The following CLEC18A variants were observed in gnomAD, a reference collection of about 807,000 sequenced individuals.
CLEC18A encodes C-type lectin domain family 18 member A.
CLEC18A carries 5 observed loss-of-function variants against 24.0 expected under a neutral mutation model. The observed-to-expected ratio is 0.21, with a 90% CI of 0.11 to 0.44. The LOEUF (loss-of-function observed/expected upper bound fraction) is 0.44. CLEC18A is among the 20% of genes least tolerant of loss of function. The pLI, the probability that CLEC18A is intolerant of heterozygous loss-of-function variation, is 0.99. For synonymous variants in CLEC18A, 29 were observed against 100.1 expected (o/e 0.29, Z 4.24); for missense variants, 83 against 233.4 (o/e 0.36, Z 4.20).
downstream of CLEC18A, among the ~76,000 whole-genome samples, chr16:69,965,359 A>G (rs1185429714): frequency 1.3e-5 from 2 of 152,042 alleles, no homozygotes; most frequent in Non-Finnish European, 2.9e-5. Context: ...TTCCCGGGTC[A>G]GCCAGCAGCC....
At chr16:69,946,864 A>G (rs1470904551), upstream of CLEC18A, among the ~76,000 whole-genome samples, 1 of 93,150 alleles carries the variant, frequency 1.1e-5, no homozygotes. Context: ...CAGTAGAATT[A>G]TGTCATCTGC....
chr16:69,955,001 C>T (rs1291856923), intron 3 of CLEC18A, among the ~76,000 whole-genome samples: 2 of 149,378 alleles, frequency 1.3e-5, no homozygotes, highest in Non-Finnish European at 3.0e-5. Context: ...TGCCCCGCCA[C>T]ATTTTTTCTT....
downstream of CLEC18A, among the ~76,000 whole-genome samples, chr16:69,966,475 C>G (rs1250728053): frequency 1.4e-5 from 2 of 141,222 alleles, no homozygotes; most frequent in Non-Finnish European, 1.5e-5. Context: ...GACCTCTGGT[C>G]GTCCTCACTG....
chr16:69,955,568 T>A (rs1237685327), intron 3 of CLEC18A, among the ~76,000 whole-genome samples: 1 of 150,796 alleles, frequency 6.6e-6, no homozygotes, highest in Non-Finnish European at 1.5e-5. Flanking sequence ...CCAGGCTGGG[T>A]CTCAAACTCC....
At chr16:69,956,936 T>A (rs1235332272) in intron 3 of CLEC18A, among the ~76,000 whole-genome samples, 1 of 144,402 alleles carries the variant, frequency 6.9e-6, no homozygotes, top group Admixed American at 6.9e-5. Flanking sequence ...ACTCCGGACG[T>A]CAGGTAATCC....
chr16:69,948,556 A>G (rs533846853), upstream of CLEC18A, among the ~76,000 whole-genome samples: 9 of 152,064 alleles, frequency 5.9e-5, no homozygotes, highest in African/African-American at 2.2e-4. Context: ...ATAGAGACAC[A>G]GGTGATAAAG....
At chr16:69,965,218 GCTCT>G (rs1254962931), downstream of CLEC18A, among the ~76,000 whole-genome samples, 6 of 151,874 alleles carry the variant, frequency 4.0e-5, no homozygotes, top group Non-Finnish European at 4.4e-5. Context: ...GATGCCCCCA[GCTCT>G]CTCTACCTCC....
upstream of CLEC18A, among the ~76,000 whole-genome samples, chr16:69,950,311 T>C (rs2058931377): frequency 1.6e-5 from 2 of 126,986 alleles, 1 homozygote; most frequent in Admixed American, 1.6e-4. Context: ...AAGGAGGACG[T>C]AGTTGGTTTG....
the CLEC18A span, among the ~76,000 whole-genome samples, chr16:69,945,125 GAAAAAA>G: frequency 2.3e-5 from 3 of 130,496 alleles, no homozygotes; most frequent in Non-Finnish European, 4.7e-5. Context: ...ACCCTGTCTG[GAAAAAA>G]AAAAAAAAAG....
chr16:69,956,240 C>T (rs2059033346), intron 3 of CLEC18A, among the ~76,000 whole-genome samples: 1 of 142,314 alleles, frequency 7.0e-6, no homozygotes, highest in Non-Finnish European at 1.5e-5. Flanking sequence ...GGAGTAAAAC[C>T]CTGGCTCAGT....
At chr16:69,949,072 C>T (rs1399599675), upstream of CLEC18A, among the ~76,000 whole-genome samples, 1 of 127,110 alleles carries the variant, frequency 7.9e-6, no homozygotes. Context: ...CTGCCTCAGC[C>T]TACCGAGTAG....
At chr16:69,957,222 G>A (rs1487633924) in intron 3 of CLEC18A, among the ~76,000 whole-genome samples, 2 of 149,300 alleles carry the variant, frequency 1.3e-5, no homozygotes, top group African/African-American at 2.5e-5. Flanking sequence ...GAGTGCAGTG[G>A]TGCAATCTCA....
chr16:69,964,905 G>C (rs1209451875), downstream of CLEC18A, among the ~76,000 whole-genome samples: 10 of 151,894 alleles, frequency 6.6e-5, no homozygotes, highest in African/African-American at 2.4e-4. Flanking sequence ...AGGCTCAAGC[G>C]ATCCTCCTGC....
upstream of CLEC18A, among the ~76,000 whole-genome samples, chr16:69,946,817 GT>G (rs201185699): frequency 0.04 from 1,809 of 45,006 alleles, 8 homozygotes; most frequent in East Asian, 0.11. Context: ...TTCTAGTAGG[GT>G]TTTTTTTTTT....
chr16:69,965,578 C>T (rs1408977313), downstream of CLEC18A, among the ~76,000 whole-genome samples: 4 of 149,754 alleles, frequency 2.7e-5, no homozygotes, highest in East Asian at 6.1e-4. Flanking sequence ...CCTGACGCGC[C>T]GTCGTGAGTG....
downstream of CLEC18A, among the ~76,000 whole-genome samples, chr16:69,966,295 C>G (rs1294847876): frequency 6.7e-6 from 1 of 149,342 alleles, no homozygotes; most frequent in Non-Finnish European, 1.5e-5. Flanking sequence ...GGCCTTTGAA[C>G]CAGAGCAACT....
At chr16:69,955,911 T>C (rs1426959273) in intron 3 of CLEC18A, among the ~76,000 whole-genome samples, 1 of 152,008 alleles carries the variant, frequency 6.6e-6, no homozygotes, top group Non-Finnish European at 1.5e-5. Context: ...AGGAAATATT[T>C]AATACCTCTA....
At chr16:69,957,354 G>A (rs1391138035) in intron 3 of CLEC18A, among the ~76,000 whole-genome samples, 2 of 97,828 alleles carry the variant, frequency 2.0e-5, no homozygotes, top group Admixed American at 2.1e-4. Context: ...ATAGAGATGG[G>A]GTTTTGCCAT....
At chr16:69,964,967 ATTTT>A (rs1021606288), downstream of CLEC18A, among the ~76,000 whole-genome samples, 1 of 151,808 alleles carries the variant, frequency 6.6e-6, no homozygotes, top group African/African-American at 2.4e-5. Context: ...ACGCCCCGCT[ATTTT>A]TTGTGTTTTT....
Sources: gnomAD v4.1 joint callset for allele counts (sites outside exome capture counted in the v4.1 genomes callset) on GRCh38, gnomAD v4.1.1 for gene constraint, MANE v1.5 for transcripts, NCBI Gene and HGNC (gene_info 2026-07-23, HGNC 2026-07-21) for gene names.